Variants in C12orf42 observed in about 807,000 individuals in gnomAD.
C12orf42 encodes the protein chromosome 12 open reading frame 42.
C12orf42 carries 25 observed loss-of-function variants against 21.6 expected under a neutral mutation model. The ratio of observed to expected loss-of-function variants is 1.16; its 90% confidence interval spans 0.84 to 1.62. The LOEUF is 1.62. Among genes scored for constraint, C12orf42 ranks in the 40% most tolerant of loss-of-function variants. The pLI is 0.00. For synonymous variants in C12orf42, 174 were observed against 175.0 expected (o/e 0.99, Z 0.05); for missense variants, 483 against 459.3 (o/e 1.05, Z -0.47).
chr12:103,105,057 A>C, the C12orf42 span, among the ~76,000 whole-genome samples: 1 of 152,230 alleles, frequency 6.6e-6, no homozygotes, highest in Non-Finnish European at 1.5e-5. Flanking sequence ...AAGAAACACA[A>C]GTAAGGATTT....
chr12:103,470,549 T>A (rs1435319970), intron 2 of C12orf42, among the ~76,000 whole-genome samples: 3 of 152,224 alleles, frequency 2.0e-5, no homozygotes, highest in African/African-American at 7.2e-5. Context: ...TCTCAATTCT[T>A]CCCAATGAGA....
chr12:103,081,694 T>C, the C12orf42 span, among the ~76,000 whole-genome samples: 2 of 152,214 alleles, frequency 1.3e-5, no homozygotes, highest in African/African-American at 2.4e-5. Context: ...TCCATCCTCT[T>C]AGCTTTCAAT....
intron 4 of C12orf42, among the ~76,000 whole-genome samples, chr12:103,320,076 T>G (rs2039937454): frequency 6.6e-6 from 1 of 152,172 alleles, no homozygotes; most frequent in Non-Finnish European, 1.5e-5. Flanking sequence ...CGTTATAAGT[T>G]CTGTCAGAAC....
intron 4 of C12orf42, among the ~76,000 whole-genome samples, chr12:103,311,327 C>A (rs2038954560): frequency 6.6e-6 from 1 of 151,316 alleles, no homozygotes; most frequent in African/African-American, 2.4e-5. Flanking sequence ...TAGTTTCTAC[C>A]ATATACTAGA....
intron 10 of C12orf42, among the ~76,000 whole-genome samples, chr12:103,261,008 C>A (rs527746900): frequency 6.6e-6 from 1 of 151,970 alleles, no homozygotes; most frequent in Non-Finnish European, 1.5e-5. Flanking sequence ...ACACCTCCTG[C>A]AAAATTTCTT....
chr12:103,527,706 A>G, the C12orf42 span, among the ~76,000 whole-genome samples: 8 of 151,982 alleles, frequency 5.3e-5, no homozygotes, highest in African/African-American at 1.9e-4. Context: ...TCTCCTCCAC[A>G]TCTCTCAGGG....
the C12orf42 span, among the ~76,000 whole-genome samples, chr12:103,053,002 G>A: frequency 1.3e-5 from 2 of 151,792 alleles, no homozygotes; most frequent in Non-Finnish European, 2.9e-5. Flanking sequence ...TTTATCTTCG[G>A]TCACTTATTT....
the C12orf42 span, among the ~76,000 whole-genome samples, chr12:103,104,732 C>T: frequency 7.2e-5 from 11 of 152,318 alleles, no homozygotes; most frequent in Admixed American, 3.9e-4. Context: ...CGCGCCTGGC[C>T]GGGTTTTCCA....
Position 103,443,839 on chromosome 12 carries a change from G to A in C12orf42, c.78+34510C>T, listed in dbSNP as rs572441868. Among the ~76,000 whole-genome samples, 3 of 152,200 alleles carry A rather than the reference G, an allele frequency of 2.0e-5. No individual in the cohort carries two copies. In the East Asian group the frequency reaches 5.8e-4, roughly 29 times the overall value. ...TCTTCAAGGCATAGAAAGAGAAAGA[G>A]ACTAAGCACTTTATAGATGATATCA... On this transcript the variant is annotated intron_variant, in intron 2 of 5. Coordinates refer to ENST00000548883, the MANE Select transcript of C12orf42 (RefSeq NM_198521.5).
intron 4 of C12orf42, among the ~76,000 whole-genome samples, chr12:103,336,518 C>T (rs1337599008): frequency 6.6e-6 from 1 of 152,152 alleles, no homozygotes; most frequent in Non-Finnish European, 1.5e-5. Flanking sequence ...TATTTTGCAG[C>T]ATTTTGTGAG....
chr12:103,331,091 C>T (rs1458288625), intron 4 of C12orf42, among the ~76,000 whole-genome samples: 1 of 152,088 alleles, frequency 6.6e-6, no homozygotes, highest in African/African-American at 2.4e-5. Context: ...TGCCAATAAA[C>T]CCAGCATAAG....
At chr12:103,390,105 T>C (rs2046946686) in intron 3 of C12orf42, among the ~76,000 whole-genome samples, 1 of 152,178 alleles carries the variant, frequency 6.6e-6, no homozygotes, top group Non-Finnish European at 1.5e-5. Context: ...TGCTGAAGGT[T>C]CTACTGTCTG....
At chr12:103,164,442 G>T in the C12orf42 span, 3 of 455,842 alleles carry the variant, frequency 6.6e-6, no homozygotes, top group Non-Finnish European at 1.3e-5. Context: ...TTCATGGTAA[G>T]TTCTGAGCAA....
chr12:103,400,934 T>C (rs1377607722), intron 3 of C12orf42, among the ~76,000 whole-genome samples: 1 of 152,106 alleles, frequency 6.6e-6, no homozygotes, highest in African/African-American at 2.4e-5. Context: ...TTAAAGCCCT[T>C]AGGATGTAAA....
the C12orf42 span, among the ~76,000 whole-genome samples, chr12:103,087,048 C>T: frequency 3.3e-5 from 5 of 152,006 alleles, no homozygotes; most frequent in East Asian, 7.7e-4. Context: ...TTAATCAAAA[C>T]CTATATTTCT....
chr12:103,229,187 C>A, the C12orf42 span, among the ~76,000 whole-genome samples: 1 of 152,196 alleles, frequency 6.6e-6, no homozygotes, highest in Non-Finnish European at 1.5e-5. Flanking sequence ...CATTGTAATT[C>A]TCCACATCTG....
At chr12:103,300,700 A>G (rs959788315), downstream of C12orf42, among the ~76,000 whole-genome samples, 43 of 152,226 alleles carry the variant, frequency 2.8e-4, no homozygotes, top group African/African-American at 1.0e-3. Context: ...AAATTAAAAT[A>G]TCCCAGAATA....
At chr12:103,449,683 A>G (rs1360779016) in intron 2 of C12orf42, among the ~76,000 whole-genome samples, 7 of 151,782 alleles carry the variant, frequency 4.6e-5, no homozygotes, top group Non-Finnish European at 2.9e-5. Flanking sequence ...ATTTATAACA[A>G]TTCTTGATAT....
At chr12:103,305,890 T>C (rs1566044281) in intron 5 of C12orf42, 84 bp downstream of exon 5, 1 of 1,463,836 alleles carries the variant, frequency 6.8e-7, no homozygotes, top group Non-Finnish European at 9.2e-7. Flanking sequence ...ATGAAGTCAA[T>C]ATTTTTTCTG....
Sources: gnomAD v4.1 joint callset for allele counts (sites outside exome capture counted in the v4.1 genomes callset) on GRCh38, gnomAD v4.1.1 for gene constraint, MANE v1.5 for transcripts, NCBI Gene and HGNC (gene_info 2026-07-23, HGNC 2026-07-21) for gene names.